Variants in FLI1 observed in about 807,000 individuals in gnomAD.
FLI1 encodes the protein Fli-1 proto-oncogene, ETS transcription factor.
In FLI1, 13 loss-of-function variants were observed where a neutral mutation model predicts 53.1. The ratio of observed to expected loss-of-function variants is 0.24; its 90% CI spans 0.16 to 0.39. The LOEUF (loss-of-function observed/expected upper bound fraction) is 0.39, where lower values mean the gene tolerates loss of function less well. Among genes scored for constraint, FLI1 ranks in the 10% least tolerant of loss-of-function variants. The pLI, the probability that FLI1 is intolerant of heterozygous loss-of-function variation, is 1.00. For synonymous variants in FLI1, 244 were observed against 236.7 expected, an observed-to-expected ratio of 1.03 and a Z score of -0.28; for missense variants, 424 against 600.5, an observed-to-expected ratio of 0.71 and a Z score of 3.07.
chr11:128,782,876 G>C (rs939620581), intron 5 of FLI1, among the ~76,000 whole-genome samples: 3 of 152,188 alleles, frequency 2.0e-5, no homozygotes, highest in African/African-American at 7.2e-5. Flanking sequence ...GTGAGGAGTG[G>C]TTCAGATACT....
At chr11:128,745,443 T>C (rs1205528978) in intron 1 of FLI1, among the ~76,000 whole-genome samples, 2 of 152,124 alleles carry the variant, frequency 1.3e-5, no homozygotes, top group Non-Finnish European at 2.9e-5. Context: ...GGTAACCATA[T>C]GCCCCGAGCC....
rs148986620 is a variant in FLI1, at chr11:128,768,848, C to T, written c.385+576C>T. Among the ~76,000 whole-genome samples, 267 of 152,306 alleles carry T rather than the reference C, an allele frequency of 1.8e-3. 2 individuals are homozygous for T. Among genetic ancestry groups the T allele is most frequent in the African/African-American group, 6.2e-3 (259 of 41,562 alleles). On this transcript the variant is annotated intron_variant, in intron 3 of 8. Coordinates refer to ENST00000527786, the MANE Select transcript of FLI1 (RefSeq NM_002017.5). ...ACATCAATGGCCTGGTCCTCAAGGA[C>T]GGGCTGCTCAGAGAGCAGAGGCAAG...
At chr11:128,772,335 G>A (rs1391267863) in intron 3 of FLI1, among the ~76,000 whole-genome samples, 2 of 152,194 alleles carry the variant, frequency 1.3e-5, no homozygotes, top group Non-Finnish European at 2.9e-5. Context: ...CTGCACAGAT[G>A]GAATTGCAGT....
intron 4 of FLI1, among the ~76,000 whole-genome samples, chr11:128,776,832 C>A (rs1941741608): frequency 6.6e-6 from 1 of 152,128 alleles, no homozygotes; most frequent in African/African-American, 2.4e-5. Context: ...TGCCGACGTT[C>A]CCCCGGCCCT....
chr11:128,709,095 C>T (rs1015500270), intron 1 of FLI1, among the ~76,000 whole-genome samples: 18 of 152,134 alleles, frequency 1.2e-4, no homozygotes, highest in African/African-American at 4.3e-4. Context: ...AGGTTCAGAC[C>T]CACTTATTAA....
At position 128,758,429 on chromosome 11, in the gene FLI1, T is replaced by C. The variant is rs907767378; in HGVS notation, c.230+103T>C. ...AAGGTTTTTGCAGCAGATGGGGCTC[T>C]AGAGCTGGGCCAGGAAGCCTGTGTC... On this transcript the variant is annotated intron_variant, in intron 2 of 8. Coordinates refer to ENST00000527786, the MANE Select transcript of FLI1 (RefSeq NM_002017.5). 31 of 907,986 alleles carry C rather than the reference T, an allele frequency of 3.4e-5. No individual in the cohort carries two copies. The African/African-American group carries it at 4.6e-4, about 13-fold the overall frequency. 56.2% of individuals were successfully genotyped at this position (907,986 alleles called of 1,614,324 possible).
At chr11:128,784,694 C>T (rs187129822) in intron 5 of FLI1, among the ~76,000 whole-genome samples, 1 of 151,720 alleles carries the variant, frequency 6.6e-6, no homozygotes, top group Non-Finnish European at 1.5e-5. Flanking sequence ...CAAGCCCTCC[C>T]TCTATCCTCC....
Position 128,743,868 on chromosome 11 carries a change from T to C in FLI1, c.19-14247T>C, listed in dbSNP as rs193109556. Among the ~76,000 whole-genome samples the C allele has an allele frequency of 4.9e-3, 747 of 152,348 alleles. 7 individuals are homozygous for C. Among genetic ancestry groups the C allele is most frequent in the Non-Finnish European group, 7.8e-3 (533 of 68,030 alleles). ...CAGCAGGACTTGTTCACAAAATATC[T>C]ACTTTTCCTGTAGATGGATGCCGGG... On this transcript the variant is annotated intron_variant, in intron 1 of 8. Transcript: ENST00000527786.
intron 2 of FLI1, among the ~76,000 whole-genome samples, chr11:128,767,679 G>C (rs1238915163): frequency 6.6e-6 from 1 of 152,202 alleles, no homozygotes; most frequent in Admixed American, 6.5e-5. Flanking sequence ...AGCAGTCAGG[G>C]GGCGCAGGCC....
In FLI1 at chr11:128,770,370, A is replaced by G. The variant is rs139127429; in HGVS notation, c.385+2098A>G. ...TGGCTTCCTCCAGGCCAGGCTGTGG[A>G]TATGAGGGGAAGTCTCATTTGGGCA... On this transcript the variant is annotated intron_variant, in intron 3 of 8. Coordinates refer to ENST00000527786, the MANE Select transcript of FLI1 (RefSeq NM_002017.5). Among the ~76,000 whole-genome samples the G allele has an allele frequency of 5.7e-3, 873 of 152,370 alleles. 11 individuals are homozygous for G. The highest frequency in any genetic ancestry group is 0.02 in the African/African-American group (835 of 41,586).
At chr11:128,731,340 C>G (rs1466291013) in intron 1 of FLI1, among the ~76,000 whole-genome samples, 1 of 152,226 alleles carries the variant, frequency 6.6e-6, no homozygotes, top group African/African-American at 2.4e-5. Flanking sequence ...CTTCTCTGAG[C>G]ACAGGTTGCC....
At chr11:128,699,465 CACAA>C (rs1938228624) in intron 1 of FLI1, among the ~76,000 whole-genome samples, 1 of 152,166 alleles carries the variant, frequency 6.6e-6, no homozygotes, top group African/African-American at 2.4e-5. Context: ...GTTACGTACA[CACAA>C]ACACACACCT....
chr11:128,701,382 A>T (rs1194501538), intron 1 of FLI1, among the ~76,000 whole-genome samples: 1 of 152,210 alleles, frequency 6.6e-6, no homozygotes, highest in Non-Finnish European at 1.5e-5. Flanking sequence ...GCCTTCAGAC[A>T]AGTCTGACAT....
At chr11:128,690,553 C>G (rs1282177700), upstream of FLI1, among the ~76,000 whole-genome samples, 1 of 152,222 alleles carries the variant, frequency 6.6e-6, no homozygotes, top group Admixed American at 6.5e-5. Flanking sequence ...CGTTTCGACC[C>G]GCCGCTCCCC....
At chr11:128,751,523 A>G (rs1307178404) in intron 1 of FLI1, among the ~76,000 whole-genome samples, 1 of 149,578 alleles carries the variant, frequency 6.7e-6, no homozygotes, top group Non-Finnish European at 1.5e-5. Context: ...TTTATTTTTT[A>G]TTTTTATTTA....
At chr11:128,744,053 C>G (rs187774124) in intron 1 of FLI1, among the ~76,000 whole-genome samples, 1 of 152,266 alleles carries the variant, frequency 6.6e-6, no homozygotes, top group East Asian at 1.9e-4. Context: ...GGATGCTTGG[C>G]TCCTCGTGTA....
chr11:128,793,839 G>A (rs975074208), intron 5 of FLI1, among the ~76,000 whole-genome samples: 3 of 152,154 alleles, frequency 2.0e-5, no homozygotes, highest in African/African-American at 7.2e-5. Context: ...GGGAACTGGT[G>A]CCAGGCTGTG....
chr11:128,727,399 T>A, intron 1 of FLI1, among the ~76,000 whole-genome samples: 1 of 152,290 alleles, frequency 6.6e-6, no homozygotes, highest in East Asian at 1.9e-4. Flanking sequence ...CAAGCCACTT[T>A]AAGTCCTCAA....
At chr11:128,687,440 G>A (rs915784940) in intron 1 of FLI1, among the ~76,000 whole-genome samples, 5 of 152,130 alleles carry the variant, frequency 3.3e-5, no homozygotes, top group Non-Finnish European at 4.4e-5. Flanking sequence ...CCATGCAGCC[G>A]CGACCTGACG....
Sources: allele counts gnomAD v4.1 joint callset (sites outside exome capture counted in the v4.1 genomes callset), GRCh38; gene constraint gnomAD v4.1.1; transcripts MANE v1.5; gene names NCBI Gene and HGNC (gene_info 2026-07-23, HGNC 2026-07-21).